AFF3: variants seen among roughly 807,000 people sequenced by gnomAD.
The protein encoded by AFF3 is ALF transcription elongation factor 3, also known as AF4/FMR2 family member 3.
A neutral mutation model predicts 129.7 loss-of-function variants in AFF3; 32 were observed. The ratio of observed to expected loss-of-function variants is 0.25; its 90% CI spans 0.19 to 0.33. The LOEUF (loss-of-function observed/expected upper bound fraction) is 0.33. AFF3 is among the 10% of genes least tolerant of loss of function. AFF3 has a pLI of 1.00. For synonymous variants in AFF3, 644 were observed against 635.4 expected (o/e 1.01, Z -0.20); for missense variants, 1,373 against 1,592.0 (o/e 0.86, Z 2.34).
intron 11 of AFF3, among the ~76,000 whole-genome samples, chr2:99,710,711 A>G (rs1188456900): frequency 6.6e-6 from 1 of 152,208 alleles, no homozygotes; most frequent in African/African-American, 2.4e-5. Context: ...TCACCTGCCC[A>G]TTATCTCCAC....
chr2:99,907,246 G>T (rs138425071), intron 7 of AFF3, among the ~76,000 whole-genome samples: 8 of 152,260 alleles, frequency 5.3e-5, no homozygotes, highest in Non-Finnish European at 1.2e-4. Context: ...TTGATAAAAA[G>T]ATGATAAAAT....
chr2:100,070,761 A>G (rs1409713425), intron 4 of AFF3, among the ~76,000 whole-genome samples: 1 of 152,172 alleles, frequency 6.6e-6, no homozygotes, highest in African/African-American at 2.4e-5. Flanking sequence ...TTTCTGTCAC[A>G]TAATTACAAG....
chr2:99,676,377 G>C (rs1687607087), intron 11 of AFF3, among the ~76,000 whole-genome samples: 1 of 152,166 alleles, frequency 6.6e-6, no homozygotes, highest in Admixed American at 6.5e-5. Flanking sequence ...GGGTGCTACA[G>C]GGGGCTGTGG....
Position 99,596,735 on chromosome 2 carries a change from C to T in AFF3, c.1372-2446G>A, listed in dbSNP as rs186477392. ...ACAGCTGCACACAGGAAAATTCACACTGAAACTTCCTAGCAGGAGCATTAA... is the reference window on the plus strand; with the variant it reads ...ACAGCTGCACACAGGAAAATTCACATTGAAACTTCCTAGCAGGAGCATTAA... On this transcript the variant is annotated intron_variant, in intron 14 of 24. Transcript: ENST00000672756. 7.9e-5 allele frequency among the ~76,000 whole-genome samples: 12 copies of T among 152,328 alleles called. No individual in the cohort carries two copies. In the East Asian group the frequency reaches 2.1e-3, roughly 27 times the overall value.
intron 4 of AFF3, among the ~76,000 whole-genome samples, chr2:100,103,713 T>C (rs1031501871): frequency 2.0e-5 from 3 of 151,602 alleles, no homozygotes; most frequent in Non-Finnish European, 4.4e-5. Flanking sequence ...CATAAAGGGA[T>C]ACCCGGGGCG....
chr2:99,673,652 A>T (rs10202490), intron 11 of AFF3, among the ~76,000 whole-genome samples: 76,453 of 152,052 alleles, frequency 0.5, 19,675 homozygotes, highest in African/African-American at 0.62. Flanking sequence ...AAGCCCGCTG[A>T]GCCCTTGTGC....
In AFF3 at chr2:99,582,858, G is replaced by A. The variant is rs1290907799; in HGVS notation, c.2733C>T (p.Ala911=). Residue 911 remains alanine (A), a synonymous_variant, in exon 17 of 25, where the codon GCC becomes GCT. Coordinates refer to ENST00000672756, the MANE Select transcript of AFF3 (RefSeq NM_001386135.1). Reference sequence around the variant, plus strand: ...CGGCCTTAGGCTTTTTGCTGGAAGAGGCTGAAGTAAACAAACTGTTGCCAT... The same window carrying A: ...CGGCCTTAGGCTTTTTGCTGGAAGAAGCTGAAGTAAACAAACTGTTGCCAT... The part of the protein sequence containing the change: ...RPNGNSLFTS[A]SSSKKPKADS... 1 of 1,614,230 alleles carries A rather than the reference G, an allele frequency of 6.2e-7. No homozygotes were observed. The highest frequency in any genetic ancestry group is 8.5e-7 in the Non-Finnish European group (1 of 1,180,052).
At chr2:99,607,611 A>G (rs943852279) in intron 13 of AFF3, among the ~76,000 whole-genome samples, 2 of 152,108 alleles carry the variant, frequency 1.3e-5, no homozygotes, top group African/African-American at 4.8e-5. Flanking sequence ...TGCCAAGTGT[A>G]TTGTGGGGCC....
intron 13 of AFF3, among the ~76,000 whole-genome samples, chr2:99,640,713 A>G (rs4850908): frequency 0.5 from 75,669 of 151,888 alleles, 18,991 homozygotes; most frequent in East Asian, 0.67. Context: ...ATAAGTCATG[A>G]TTGAGCAGTC....
intron 12 of AFF3, among the ~76,000 whole-genome samples, chr2:99,652,367 G>A (rs919635712): frequency 6.6e-6 from 1 of 152,148 alleles, no homozygotes; most frequent in African/African-American, 2.4e-5. Flanking sequence ...TGGCAGTAGT[G>A]TCTGGGGCCA....
intron 24 of AFF3, among the ~76,000 whole-genome samples, chr2:99,553,829 G>A (rs991508591): frequency 4.8e-5 from 7 of 145,648 alleles, no homozygotes; most frequent in African/African-American, 1.5e-4. Flanking sequence ...CAGAAGAATC[G>A]CTTGAACCCA....
At chr2:99,814,851 T>A (rs1477022122) in intron 8 of AFF3, among the ~76,000 whole-genome samples, 1 of 113,022 alleles carries the variant, frequency 8.8e-6, no homozygotes, top group Non-Finnish European at 1.9e-5. Context: ...ATTTTAATTA[T>A]ACTTTTTTTT....
intron 4 of AFF3, among the ~76,000 whole-genome samples, chr2:100,054,437 C>T (rs755067896): frequency 1.3e-5 from 2 of 152,220 alleles, no homozygotes; most frequent in Non-Finnish European, 2.9e-5. Flanking sequence ...AAAAGGCAGA[C>T]CCCTCCTAGA....
intron 7 of AFF3, among the ~76,000 whole-genome samples, chr2:99,848,142 T>C (rs1475406600): frequency 6.6e-6 from 1 of 151,886 alleles, no homozygotes; most frequent in Admixed American, 6.6e-5. Flanking sequence ...CCCAGCTACT[T>C]GGGAGGCTGA....
At chr2:99,740,886 T>C (rs973415430) in intron 10 of AFF3, among the ~76,000 whole-genome samples, 1 of 152,252 alleles carries the variant, frequency 6.6e-6, no homozygotes, top group African/African-American at 2.4e-5. Context: ...AATGCCTATG[T>C]CCTGAATAGT....
chr2:99,754,085 CA>C (rs1364818447), intron 8 of AFF3, among the ~76,000 whole-genome samples: 1 of 152,220 alleles, frequency 6.6e-6, no homozygotes, highest in African/African-American at 2.4e-5. Flanking sequence ...CATGAAGACA[CA>C]AGTGGGTTTT....
chr2:100,035,164 T>C (rs1684803338), intron 4 of AFF3, among the ~76,000 whole-genome samples: 2 of 152,334 alleles, frequency 1.3e-5, no homozygotes, highest in African/African-American at 4.8e-5. Flanking sequence ...ATCACACAGA[T>C]GCACAAAGTG....
At chr2:100,083,928 T>C (rs557986526) in intron 4 of AFF3, among the ~76,000 whole-genome samples, 7 of 152,222 alleles carry the variant, frequency 4.6e-5, no homozygotes, top group African/African-American at 9.6e-5. Context: ...TCAGACGGTA[T>C]GGGTTCTGGC....
chr2:99,648,375 A>T (rs1297198831), intron 13 of AFF3, among the ~76,000 whole-genome samples: 1 of 152,160 alleles, frequency 6.6e-6, no homozygotes, highest in Non-Finnish European at 1.5e-5. Flanking sequence ...GAAAAGAAAT[A>T]TGTATAGGAA....
Sources: allele counts gnomAD v4.1 joint callset (sites outside exome capture counted in the v4.1 genomes callset), GRCh38; gene constraint gnomAD v4.1.1; transcripts MANE v1.5; gene names NCBI Gene and HGNC (gene_info 2026-07-23, HGNC 2026-07-21).